KHDRBS2: variants seen among roughly 807,000 people sequenced by gnomAD.
KHDRBS2 encodes the protein KH RNA binding domain containing, signal transduction associated 2.
A neutral mutation model predicts 44.3 loss-of-function variants in KHDRBS2; 26 were observed. The ratio of observed to expected loss-of-function variants is 0.59; its 90% CI spans 0.43 to 0.81. The LOEUF (loss-of-function observed/expected upper bound fraction) is 0.81, where lower values mean the gene tolerates loss of function less well. KHDRBS2 is among the 40% of genes least tolerant of loss of function. The pLI, the probability that KHDRBS2 is intolerant of heterozygous loss-of-function variation, is 0.00. For missense variants in KHDRBS2, 476 were observed against 433.1 expected, an observed-to-expected ratio of 1.10 and a Z score of -0.88; for synonymous variants, 194 against 151.1, an observed-to-expected ratio of 1.28 and a Z score of -2.08.
rs557427053 is a variant in KHDRBS2, at chr6:62,044,821, T to C, written c.336+3057A>G. 9.9e-5 allele frequency among the ~76,000 whole-genome samples: 15 copies of C among 152,214 alleles called. No homozygotes were observed. In the South Asian group the frequency reaches 3.1e-3, roughly 32 times the overall value. ...TTAAACATGGCTAATCTTTGTAAAG[T>C]CAGGCAAAGTTGAGAAGAGGATTCT... On this transcript the variant is annotated intron_variant, in intron 3 of 8. Coordinates refer to ENST00000281156, the MANE Select transcript of KHDRBS2 (RefSeq NM_152688.4).
At chr6:61,965,958 C>A (rs1433339779) in intron 4 of KHDRBS2, among the ~76,000 whole-genome samples, 1 of 151,932 alleles carries the variant, frequency 6.6e-6, no homozygotes, top group East Asian at 1.9e-4. Context: ...GATTTTACTA[C>A]TTAGATAAGA....
At chr6:62,247,560 A>G (rs1409052063) in intron 1 of KHDRBS2, among the ~76,000 whole-genome samples, 2 of 151,996 alleles carry the variant, frequency 1.3e-5, no homozygotes, top group African/African-American at 2.4e-5. Flanking sequence ...AGTTATTTAA[A>G]ATGTAGGCTT....
At chr6:62,267,208 G>A (rs1157165031) in intron 1 of KHDRBS2, among the ~76,000 whole-genome samples, 1 of 152,020 alleles carries the variant, frequency 6.6e-6, no homozygotes, top group African/African-American at 2.4e-5. Flanking sequence ...TTTCTCAAGA[G>A]ACCAAGGTCA....
chr6:61,932,072 G>C (rs1810161344), intron 4 of KHDRBS2, among the ~76,000 whole-genome samples: 1 of 152,044 alleles, frequency 6.6e-6, no homozygotes, highest in Non-Finnish European at 1.5e-5. Flanking sequence ...ACATTTTTGT[G>C]TTTATGTTAT....
chr6:62,270,277 A>ATCTCTCTC (rs147450056), intron 1 of KHDRBS2, among the ~76,000 whole-genome samples: 5 of 120,698 alleles, frequency 4.1e-5, no homozygotes, highest in Admixed American at 8.2e-5. Flanking sequence ...GTGGAACCCC[A>ATCTCTCTC]TCTCTCTCTC....
At chr6:62,102,947 T>C (rs897453372) in intron 2 of KHDRBS2, among the ~76,000 whole-genome samples, 4 of 152,172 alleles carry the variant, frequency 2.6e-5, no homozygotes, top group South Asian at 2.1e-4. Context: ...AGGAACTTTA[T>C]TGAGCGACAC....
chr6:62,003,046 C>T (rs1417909631), intron 3 of KHDRBS2, among the ~76,000 whole-genome samples: 2 of 151,922 alleles, frequency 1.3e-5, no homozygotes, highest in Non-Finnish European at 2.9e-5. Flanking sequence ...TTCTTTTTGG[C>T]AAAATTATAC....
At chr6:61,544,945 G>A in the KHDRBS2 span, among the ~76,000 whole-genome samples, 1 of 152,042 alleles carries the variant, frequency 6.6e-6, no homozygotes. Context: ...TGGAGGGAGT[G>A]GCGAGGGATA....
At chr6:61,960,287 G>C (rs955323088) in intron 4 of KHDRBS2, among the ~76,000 whole-genome samples, 7 of 152,058 alleles carry the variant, frequency 4.6e-5, no homozygotes, top group African/African-American at 1.7e-4. Flanking sequence ...ATTGAGACAA[G>C]TAGCAAAAAC....
chr6:61,642,449 A>G, the KHDRBS2 span, among the ~76,000 whole-genome samples: 1 of 150,982 alleles, frequency 6.6e-6, no homozygotes, highest in South Asian at 2.1e-4. Flanking sequence ...TGAGCCCAGG[A>G]GTTCAAGACA....
the KHDRBS2 span, among the ~76,000 whole-genome samples, chr6:61,580,883 A>T: frequency 6.6e-6 from 1 of 152,200 alleles, no homozygotes; most frequent in Admixed American, 6.6e-5. Context: ...GAAGTCAGCA[A>T]GACCAAGAAG....
At chr6:62,150,994 C>T (rs1461469736) in intron 2 of KHDRBS2, among the ~76,000 whole-genome samples, 1 of 151,996 alleles carries the variant, frequency 6.6e-6, no homozygotes, top group Admixed American at 6.6e-5. Flanking sequence ...TGTAAGATTT[C>T]CCCCCTTCTC....
chr6:62,054,715 T>G (rs747786272), intron 2 of KHDRBS2, among the ~76,000 whole-genome samples: 1 of 151,994 alleles, frequency 6.6e-6, no homozygotes, highest in Non-Finnish European at 1.5e-5. Flanking sequence ...GGTGGAAAAG[T>G]CAGGGAGCAG....
At chr6:62,033,237 A>T (rs1784668971) in intron 3 of KHDRBS2, among the ~76,000 whole-genome samples, 1 of 152,016 alleles carries the variant, frequency 6.6e-6, no homozygotes, top group Non-Finnish European at 1.5e-5. Context: ...ATCTTCAAAA[A>T]GGCAAAATGT....
chr6:61,997,059 G>A (rs1277842362), intron 3 of KHDRBS2, among the ~76,000 whole-genome samples: 2 of 152,102 alleles, frequency 1.3e-5, no homozygotes, highest in Non-Finnish European at 2.9e-5. Context: ...GGGATTACAG[G>A]CATGAGCCGC....
At chr6:61,581,573 A>G in the KHDRBS2 span, among the ~76,000 whole-genome samples, 14 of 91,380 alleles carry the variant, frequency 1.5e-4, no homozygotes, top group South Asian at 2.7e-4. Flanking sequence ...ACAACAATAT[A>G]CAATACACAA....
intron 2 of KHDRBS2, among the ~76,000 whole-genome samples, chr6:62,167,014 G>A (rs1431837375): frequency 2.0e-5 from 3 of 151,930 alleles, no homozygotes; most frequent in South Asian, 2.1e-4. Flanking sequence ...GAAAGAATAC[G>A]GGTTTGGACA....
rs1562294191 is a variant in KHDRBS2, at chr6:61,848,508, TATGTATATATGTATATATATATAC to T, written c.810+46103_810+46126del. 3.9e-3 allele frequency among the ~76,000 whole-genome samples: 210 copies of T among 53,368 alleles called. 2 individuals carry two copies. Among genetic ancestry groups the T allele is most frequent in the South Asian group, 6.2e-3 (10 of 1,620 alleles). The allele number at this position is 53,368 out of a possible 152,430, so 35.0% of individuals were successfully genotyped here. A position where few individuals can be genotyped will look rare whatever the true frequency, so the allele number is the denominator to read the frequency against. ...ATATATATGTATATATATATATATA[TATGTATATATGTATATATATATAC>T]ATATATATGTATATATATACATATA... On this transcript the variant is annotated intron_variant, in intron 6 of 8. Coordinates refer to ENST00000281156, the MANE Select transcript of KHDRBS2 (RefSeq NM_152688.4).
In KHDRBS2 at chr6:62,038,790, A is replaced by G. The variant is rs143699375; in HGVS notation, c.336+9088T>C. Among the ~76,000 whole-genome samples the G allele has an allele frequency of 3.1e-3, 470 of 152,164 alleles. 2 individuals carry two copies. The highest frequency in any genetic ancestry group is 6.8e-3 in the Middle Eastern group (2 of 294). ...TTTCAACTATTAAAATAAACACTTA[A>G]CAGGATCTTTCTAAAACCATACAAA... On this transcript the variant is annotated intron_variant, in intron 3 of 8. Coordinates refer to ENST00000281156, the MANE Select transcript of KHDRBS2 (RefSeq NM_152688.4).
Sources: gnomAD v4.1 joint callset for allele counts (sites outside exome capture counted in the v4.1 genomes callset) on GRCh38, gnomAD v4.1.1 for gene constraint, MANE v1.5 for transcripts, NCBI Gene and HGNC (gene_info 2026-07-23, HGNC 2026-07-21) for gene names.